MBD5: variants seen among roughly 807,000 people sequenced by gnomAD.
MBD5 encodes the protein methyl-CpG binding domain protein 5.
MBD5 carries 13 observed loss-of-function variants against 117.3 expected under a neutral mutation model. That is an observed-to-expected ratio of 0.11 (90% confidence interval 0.07 to 0.18). The LOEUF (loss-of-function observed/expected upper bound fraction) is 0.18. Among genes scored for constraint, MBD5 ranks in the 10% least tolerant of loss-of-function variants. The pLI is 1.00. For synonymous variants in MBD5, 727 were observed against 766.4 expected, an observed-to-expected ratio of 0.95 and a Z score of 0.85; for missense variants, 1,879 against 2,093.8, an observed-to-expected ratio of 0.90 and a Z score of 2.00.
intron 1 of MBD5, among the ~76,000 whole-genome samples, chr2:148,091,746 A>G (rs1695949255): frequency 6.6e-6 from 1 of 152,170 alleles, no homozygotes; most frequent in Non-Finnish European, 1.5e-5. Context: ...ACATTGGCTT[A>G]GGCAAAGAGT....
chr2:148,268,225 A>C (rs1429168590), intron 3 of MBD5, among the ~76,000 whole-genome samples: 1 of 152,070 alleles, frequency 6.6e-6, no homozygotes, highest in Non-Finnish European at 1.5e-5. Flanking sequence ...TGCTGGAATC[A>C]GCTGGGATGA....
chr2:148,439,295 A>T (rs1242548591), intron 4 of MBD5, among the ~76,000 whole-genome samples: 1 of 152,180 alleles, frequency 6.6e-6, no homozygotes, highest in African/African-American at 2.4e-5. Context: ...TTTTGGGGTT[A>T]TGATTGGGAC....
intron 8 of MBD5, among the ~76,000 whole-genome samples, chr2:148,477,219 A>G (rs1244710943): frequency 6.6e-6 from 1 of 152,106 alleles, no homozygotes; most frequent in African/African-American, 2.4e-5. Flanking sequence ...CACAGACATC[A>G]TATTCCAAGA....
intron 3 of MBD5, among the ~76,000 whole-genome samples, chr2:148,270,042 G>A (rs1447820657): frequency 7.9e-5 from 12 of 151,916 alleles, no homozygotes; most frequent in Non-Finnish European, 1.2e-4. Context: ...CATGGATGCA[G>A]TGTATTATAA....
At chr2:148,302,659 C>T (rs1242192010) in intron 3 of MBD5, among the ~76,000 whole-genome samples, 2 of 151,832 alleles carry the variant, frequency 1.3e-5, no homozygotes, top group East Asian at 1.9e-4. Context: ...TCTGGAGACA[C>T]GGTCTTACTC....
chr2:148,466,750 A>T (rs1194524013), intron 7 of MBD5, among the ~76,000 whole-genome samples: 1 of 152,168 alleles, frequency 6.6e-6, no homozygotes, highest in Non-Finnish European at 1.5e-5. Context: ...TTATATCCAG[A>T]AATCATTCTA....
At chr2:148,296,557 G>T in intron 3 of MBD5, 1 of 164,254 alleles carries the variant, frequency 6.1e-6, no homozygotes. Flanking sequence ...GCCCATTGCA[G>T]GTATTCCCAA....
chr2:148,371,429 A>T (rs1381744859), intron 4 of MBD5, among the ~76,000 whole-genome samples: 2 of 152,102 alleles, frequency 1.3e-5, no homozygotes, highest in African/African-American at 2.4e-5. Context: ...GTAACATATT[A>T]AAAAAAGAGA....
At chr2:148,225,756 A>G (rs551805531) in intron 2 of MBD5, among the ~76,000 whole-genome samples, 8 of 152,184 alleles carry the variant, frequency 5.3e-5, no homozygotes, top group African/African-American at 1.9e-4. Flanking sequence ...TTTTTCCTTC[A>G]CCACTTTAAA....
chr2:148,196,619 T>G (rs903636853), intron 2 of MBD5, among the ~76,000 whole-genome samples: 1 of 152,192 alleles, frequency 6.6e-6, no homozygotes, highest in Non-Finnish European at 1.5e-5. Context: ...ACAGTATGAC[T>G]TAGTATCTTT....
intron 4 of MBD5, among the ~76,000 whole-genome samples, chr2:148,407,434 C>G (rs1026521266): frequency 2.6e-5 from 4 of 151,202 alleles, no homozygotes; most frequent in African/African-American, 9.7e-5. Context: ...TTGATGCTGC[C>G]AGAAATTTAT....
At position 148,196,423 on chromosome 2, in the gene MBD5, C is replaced by T. The variant is rs189716683; in HGVS notation, c.-831+17630C>T. The stretch of plus-strand genomic sequence containing the variant: ...GGTTTCCTTTATGTAATGCCTATAA[C>T]TATATGAGGGAAGCATTCTGAAAGA... On this transcript the variant is annotated intron_variant, in intron 2 of 13. Coordinates refer to ENST00000642680, the MANE Select transcript of MBD5 (RefSeq NM_001378120.1). 4.9e-3 allele frequency among the ~76,000 whole-genome samples: 745 copies of T among 152,128 alleles called. 5 individuals are homozygous for T. Among genetic ancestry groups the T allele is most frequent in the African/African-American group, 0.017 (689 of 41,498 alleles).
At position 148,264,533 on chromosome 2, in the gene MBD5, C is replaced by T. The variant is rs530739771; in HGVS notation, c.-680+31138C>T. The T allele has an allele frequency of 2.6e-5, 4 of 152,214 alleles. No individual in the cohort carries two copies. The East Asian group carries it at 7.7e-4, about 29-fold the overall frequency. The allele number at this position is 152,214 out of a possible 1,614,324, so 9.4% of individuals were successfully genotyped here. ...ATTTCTGAAATGCAACAGTATGATT[C>T]ACGATAGTTGCTAGGCATTGTACCA... On this transcript the variant is annotated intron_variant, in intron 3 of 13. Transcript: ENST00000642680.
At chr2:148,456,292 T>C (rs1574443881) in intron 4 of MBD5, among the ~76,000 whole-genome samples, 1 of 152,160 alleles carries the variant, frequency 6.6e-6, no homozygotes, top group Non-Finnish European at 1.5e-5. Context: ...GTGCATGTGG[T>C]CTTTTCACTG....
chr2:148,494,912 G>A (rs1681653102), intron 11 of MBD5, among the ~76,000 whole-genome samples: 1 of 152,136 alleles, frequency 6.6e-6, no homozygotes, highest in Non-Finnish European at 1.5e-5. Flanking sequence ...GCAGTTAGCC[G>A]AGATCGCGCC....
chr2:148,234,377 G>C (rs1700049347), intron 3 of MBD5, among the ~76,000 whole-genome samples: 1 of 152,094 alleles, frequency 6.6e-6, no homozygotes, highest in African/African-American at 2.4e-5. Flanking sequence ...TAAAGACAAT[G>C]ATAAATGTTT....
chr2:148,169,379 A>T (rs1216330477), intron 1 of MBD5, among the ~76,000 whole-genome samples: 1 of 151,958 alleles, frequency 6.6e-6, no homozygotes, highest in East Asian at 1.9e-4. Flanking sequence ...TTATTAGATC[A>T]TTAACGTCAA....
chr2:148,444,428 C>A (rs1706427935), intron 4 of MBD5, among the ~76,000 whole-genome samples: 1 of 151,250 alleles, frequency 6.6e-6, no homozygotes, highest in East Asian at 1.9e-4. Context: ...AGGCAGGTAT[C>A]CACATCTTCT....
At chr2:148,329,896 A>G (rs1471858558) in intron 3 of MBD5, among the ~76,000 whole-genome samples, 1 of 152,138 alleles carries the variant, frequency 6.6e-6, no homozygotes, top group African/African-American at 2.4e-5. Flanking sequence ...TTATGTTAGT[A>G]ATAACAGTTA....
Sources: gnomAD v4.1 joint callset for allele counts (sites outside exome capture counted in the v4.1 genomes callset) on GRCh38, gnomAD v4.1.1 for gene constraint, MANE v1.5 for transcripts, NCBI Gene and HGNC (gene_info 2026-07-23, HGNC 2026-07-21) for gene names.